Variants in ATP2B1 observed in about 807,000 individuals in gnomAD.
ATP2B1 encodes the protein plasma membrane calcium-transporting ATPase 1.
A neutral mutation model predicts 124.2 loss-of-function variants in ATP2B1; 14 were observed. That is an observed-to-expected ratio of 0.11 (90% CI 0.07 to 0.18). The LOEUF (loss-of-function observed/expected upper bound fraction) is 0.18. Ranked by LOEUF, ATP2B1 falls within the 10% of genes least tolerant of loss-of-function variation. The pLI is 1.00. For synonymous variants in ATP2B1, 449 were observed against 492.4 expected (o/e 0.91, Z 1.17); for missense variants, 763 against 1,466.1 (o/e 0.52, Z 7.83).
At chr12:89,662,398 A>C (rs940842406) in intron 1 of ATP2B1, among the ~76,000 whole-genome samples, 2 of 152,176 alleles carry the variant, frequency 1.3e-5, no homozygotes, top group African/African-American at 4.8e-5. Context: ...CAGATACTAC[A>C]AGATTAAGAA....
At chr12:89,675,296 C>G (rs528193002) in intron 1 of ATP2B1, among the ~76,000 whole-genome samples, 2 of 152,262 alleles carry the variant, frequency 1.3e-5, no homozygotes, top group South Asian at 4.1e-4. Flanking sequence ...TAAGCTTATA[C>G]TTTTCATACA....
At chr12:89,656,181 A>G in intron 1 of ATP2B1, 74 bp from the exon 2 acceptor site, 2 of 402,050 alleles carry the variant, frequency 5.0e-6, no homozygotes, top group Non-Finnish European at 8.8e-6. Flanking sequence ...TATTTTCTAA[A>G]TGTCACCAGG....
At chr12:89,598,854 G>C in intron 20 of ATP2B1, 1 of 1,322,998 alleles carries the variant, frequency 7.6e-7, no homozygotes, top group Non-Finnish European at 1.0e-6. Flanking sequence ...TTTTTACACA[G>C]CATATAGGCA....
intron 2 of ATP2B1, among the ~76,000 whole-genome samples, chr12:89,647,049 G>C (rs1233541032): frequency 6.6e-6 from 1 of 152,178 alleles, no homozygotes; most frequent in Admixed American, 6.5e-5. Flanking sequence ...TAAAGTATGA[G>C]ATATAGCTAA....
chr12:89,651,363 C>T (rs1885228098), intron 2 of ATP2B1, among the ~76,000 whole-genome samples: 1 of 150,736 alleles, frequency 6.6e-6, no homozygotes, highest in Non-Finnish European at 1.5e-5. Context: ...TCCTCCCACA[C>T]TCAAGCGATC....
chr12:89,661,774 CA>C (rs1307032520), intron 1 of ATP2B1, among the ~76,000 whole-genome samples: 3 of 152,102 alleles, frequency 2.0e-5, no homozygotes, highest in African/African-American at 7.2e-5. Context: ...TTCTGTAACA[CA>C]AAATCAATTC....
intron 1 of ATP2B1, among the ~76,000 whole-genome samples, chr12:89,698,774 T>G (rs1891475025): frequency 6.6e-6 from 1 of 152,194 alleles, no homozygotes; most frequent in Admixed American, 6.5e-5. Context: ...AATGTCCGAT[T>G]CTTGAGGTCT....
chr12:89,666,633 T>C (rs1156259494), intron 1 of ATP2B1, among the ~76,000 whole-genome samples: 1 of 152,196 alleles, frequency 6.6e-6, no homozygotes, highest in African/African-American at 2.4e-5. Flanking sequence ...ACCCATCTGG[T>C]TAATTAGCTA....
intron 1 of ATP2B1, among the ~76,000 whole-genome samples, chr12:89,659,915 CA>C (rs1234238576): frequency 7.7e-3 from 329 of 42,504 alleles, no homozygotes; most frequent in African/African-American, 0.018. Context: ...AAGCGAGACT[CA>C]AAAAAAAAAA....
chr12:89,670,713 A>G (rs1887856985), intron 1 of ATP2B1, among the ~76,000 whole-genome samples: 1 of 152,208 alleles, frequency 6.6e-6, no homozygotes, highest in Non-Finnish European at 1.5e-5. Flanking sequence ...AACAGAATGT[A>G]TACTGAGCAG....
chr12:89,612,575 A>C (rs1380061824), intron 12 of ATP2B1, among the ~76,000 whole-genome samples: 1 of 152,196 alleles, frequency 6.6e-6, no homozygotes, highest in Non-Finnish European at 1.5e-5. Context: ...TAATCTCTTC[A>C]TACTTAATGT....
chr12:89,608,959 T>C (rs1565812991), intron 15 of ATP2B1, among the ~76,000 whole-genome samples: 1 of 152,192 alleles, frequency 6.6e-6, no homozygotes, highest in Non-Finnish European at 1.5e-5. Context: ...CTGCTTTTGA[T>C]TGAGGGAAAT....
chr12:89,695,484 A>C (rs1891036414), intron 1 of ATP2B1, among the ~76,000 whole-genome samples: 1 of 152,138 alleles, frequency 6.6e-6, no homozygotes, highest in Admixed American at 6.5e-5. Flanking sequence ...AAAAGAAAAA[A>C]ATTCATATAT....
At chr12:89,624,478 T>A in intron 8 of ATP2B1, 81 bp from the exon 9 acceptor site, 1 of 1,122,204 alleles carries the variant, frequency 8.9e-7, no homozygotes. Context: ...TTAAACACTG[T>A]AAAGAGTTAT....
chr12:89,662,569 T>G (rs184950370), intron 1 of ATP2B1, among the ~76,000 whole-genome samples: 3 of 152,304 alleles, frequency 2.0e-5, no homozygotes, highest in African/African-American at 7.2e-5. Context: ...AAAAGATCAT[T>G]AAACCTATAC....
intron 20 of ATP2B1, among the ~76,000 whole-genome samples, chr12:89,597,764 A>G (rs889497369): frequency 6.6e-6 from 1 of 152,168 alleles, no homozygotes; most frequent in Non-Finnish European, 1.5e-5. Flanking sequence ...TATAGCTTAT[A>G]AGGCTTTTAG....
intron 6 of ATP2B1, 63 bp downstream of exon 6, chr12:89,630,441 AC>A: frequency 7.6e-7 from 1 of 1,307,610 alleles, no homozygotes; most frequent in Non-Finnish European, 1.0e-6. Context: ...GAAAGAAGGT[AC>A]TAGTTCTTAC....
chr12:89,663,258 A>G (rs1228628116), intron 1 of ATP2B1, among the ~76,000 whole-genome samples: 2 of 152,212 alleles, frequency 1.3e-5, no homozygotes, highest in East Asian at 3.8e-4. Context: ...GGTATGCCAG[A>G]TATATTATAG....
intron 11 of ATP2B1, among the ~76,000 whole-genome samples, chr12:89,619,618 T>TAAAAA (rs367554417): frequency 5.9e-4 from 73 of 122,872 alleles, no homozygotes; most frequent in Non-Finnish European, 8.3e-4. Context: ...CTTAAACAAA[T>TAAAAA]AAAAAAAAAA....
Sources: allele counts gnomAD v4.1 joint callset (sites outside exome capture counted in the v4.1 genomes callset), GRCh38; gene constraint gnomAD v4.1.1; transcripts MANE v1.5; gene names NCBI Gene and HGNC (gene_info 2026-07-23, HGNC 2026-07-21).